ANK3: variants seen among roughly 807,000 people sequenced by gnomAD.
The protein encoded by ANK3 is ankyrin-3.
ANK3 carries 57 observed loss-of-function variants against 370.9 expected under a neutral mutation model. The ratio of observed to expected loss-of-function variants is 0.15; its 90% CI spans 0.12 to 0.19. ANK3 has a LOEUF of 0.19. Among genes scored for constraint, ANK3 ranks in the 10% least tolerant of loss-of-function variants. The probability of loss-of-function intolerance (pLI) is 1.00; values close to 1 mark genes in which losing one functional copy is unlikely to be tolerated. For missense variants in ANK3, 4,439 were observed against 5,302.1 expected (o/e 0.84, Z 5.06); for synonymous variants, 1,929 against 1,946.3 (o/e 0.99, Z 0.23).
At chr10:60,235,248 G>A (rs2097310510) in intron 7 of ANK3, among the ~76,000 whole-genome samples, 1 of 152,172 alleles carries the variant, frequency 6.6e-6, no homozygotes, top group South Asian at 2.1e-4. Flanking sequence ...GAGACAATAG[G>A]AACTCAAACT....
intron 1 of ANK3, among the ~76,000 whole-genome samples, chr10:60,381,048 C>T (rs1323781104): frequency 3.9e-5 from 6 of 152,074 alleles, no homozygotes; most frequent in African/African-American, 1.2e-4. Context: ...TCCCAGTCCC[C>T]GACTGTCCCA....
chr10:60,083,008 TC>T (rs2085671100), intron 33 of ANK3, among the ~76,000 whole-genome samples: 1 of 152,170 alleles, frequency 6.6e-6, no homozygotes, highest in African/African-American at 2.4e-5. Flanking sequence ...GCATTTTCCT[TC>T]TAACAGTTTT....
intron 1 of ANK3, among the ~76,000 whole-genome samples, chr10:60,712,049 C>A (rs972308496): frequency 6.6e-6 from 1 of 152,156 alleles, no homozygotes; most frequent in Non-Finnish European, 1.5e-5. Flanking sequence ...CACCAGAAGA[C>A]CTGCCATGCA....
chr10:60,534,490 T>C (rs766123545), intron 2 of ANK3, among the ~76,000 whole-genome samples: 14 of 152,114 alleles, frequency 9.2e-5, no homozygotes, highest in Non-Finnish European at 1.0e-4. Flanking sequence ...CTTCAGGATA[T>C]ATATATTTTT....
chr10:60,138,900 T>C, intron 24 of ANK3, 64 bp downstream of exon 24: 1 of 1,591,524 alleles, frequency 6.3e-7, no homozygotes, highest in Non-Finnish European at 8.6e-7. Context: ...ATGAACATGA[T>C]TTTGATTTAT....
At chr10:60,389,280 G>T (rs988400798) in intron 1 of ANK3, 145 bp downstream of exon 1, 3 of 746,242 alleles carry the variant, frequency 4.0e-6, no homozygotes, top group East Asian at 2.7e-5. Context: ...CTGCCATAGG[G>T]TTTATCATCT....
intron 2 of ANK3, among the ~76,000 whole-genome samples, chr10:60,495,593 T>C (rs551627442): frequency 1.3e-5 from 2 of 152,244 alleles, no homozygotes; most frequent in African/African-American, 4.8e-5. Context: ...AAAAAGCCAA[T>C]AGTCTGACTC....
intron 25 of ANK3, among the ~76,000 whole-genome samples, chr10:60,132,708 C>G (rs1035409985): frequency 6.6e-6 from 1 of 151,904 alleles, no homozygotes; most frequent in Non-Finnish European, 1.5e-5. Flanking sequence ...ACTCTGCCTC[C>G]CAGGTTCAAG....
At chr10:60,246,517 C>T (rs1011254845) in intron 7 of ANK3, among the ~76,000 whole-genome samples, 1 of 152,176 alleles carries the variant, frequency 6.6e-6, no homozygotes, top group Non-Finnish European at 1.5e-5. Context: ...AATGACATTT[C>T]CTTAACCTCA....
intron 1 of ANK3, among the ~76,000 whole-genome samples, chr10:60,330,536 G>T (rs113387316): frequency 6.6e-6 from 1 of 152,144 alleles, no homozygotes; most frequent in East Asian, 1.9e-4. Context: ...ATCATCACTG[G>T]TCGTTAGAAA....
At chr10:60,373,501 C>T (rs2060368099) in intron 1 of ANK3, among the ~76,000 whole-genome samples, 1 of 152,100 alleles carries the variant, frequency 6.6e-6, no homozygotes, top group South Asian at 2.1e-4. Context: ...AATCGATTCA[C>T]CATGACATGA....
chr10:60,310,917 T>C (rs1165602809), intron 1 of ANK3, among the ~76,000 whole-genome samples: 2 of 152,198 alleles, frequency 1.3e-5, no homozygotes, highest in Non-Finnish European at 2.9e-5. Context: ...CAGAAAGGAC[T>C]GGTGCATGTC....
In ANK3 at chr10:60,134,312, T is replaced by C; in HGVS notation, c.2800A>G (p.Ser934Gly). 6.2e-7 allele frequency: 1 copy of C among 1,613,998 alleles called. No individual in the cohort carries two copies. The highest frequency in any genetic ancestry group is 8.5e-7 in the Non-Finnish European group (1 of 1,179,930). ...TLNRSSYARDSMMIEELLVPS... is the reference protein window; with the variant it reads ...TLNRSSYARDGMMIEELLVPS... The stretch of plus-strand genomic sequence containing the variant: ...ACAAGGAGTTCTTCAATCATCATGC[T>C]GTCCCGTGCATAGGAGCTTCTGTTC... The change falls in exon 25 of 44, where the codon AGC becomes GGC. Residue 934 changes from serine to glycine, a missense_variant. By Grantham distance (56) the Ser-to-Gly change is moderately conservative. Around this residue, in one of 13 missense-constraint regions of ANK3, gnomAD observed 702 missense variants for 941.5 expected, o/e 0.75. Transcript: ENST00000280772.
At chr10:60,548,311 G>A (rs1053427943) in intron 2 of ANK3, among the ~76,000 whole-genome samples, 79 of 144,830 alleles carry the variant, frequency 5.5e-4, no homozygotes, top group African/African-American at 1.9e-3. Flanking sequence ...TCCCAGGTTC[G>A]AGTGATTCTC....
At chr10:60,678,973 G>A (rs2079160251) in intron 1 of ANK3, among the ~76,000 whole-genome samples, 1 of 152,184 alleles carries the variant, frequency 6.6e-6, no homozygotes, top group Non-Finnish European at 1.5e-5. Flanking sequence ...AAGCAAGGGT[G>A]GAGATCACAT....
rs142429830 is a variant in ANK3, at chr10:60,033,271, G to A, written c.*20-3445C>T. 1.8e-3 allele frequency among the ~76,000 whole-genome samples: 275 copies of A among 152,050 alleles called. 2 individuals are homozygous for A. Among genetic ancestry groups the A allele is most frequent in the Middle Eastern group, 6.8e-3 (2 of 294 alleles). ...TCCCAGCACTTTGGGAGGCCAAGCCGGGGGCAGGGGAGGGGGGCGGATCAC... is the reference window on the plus strand; with the variant it reads ...TCCCAGCACTTTGGGAGGCCAAGCCAGGGGCAGGGGAGGGGGGCGGATCAC... On this transcript the variant is annotated intron_variant, in intron 43 of 43. Coordinates refer to ENST00000280772, the MANE Select transcript of ANK3 (RefSeq NM_020987.5).
At chr10:60,456,020 C>T (rs568259886) in intron 2 of ANK3, among the ~76,000 whole-genome samples, 1 of 152,282 alleles carries the variant, frequency 6.6e-6, no homozygotes, top group East Asian at 1.9e-4. Flanking sequence ...GCCAGGTCTC[C>T]GTAGCTGATT....
intron 1 of ANK3, among the ~76,000 whole-genome samples, chr10:60,731,497 C>T (rs1027256699): frequency 2.0e-5 from 3 of 152,162 alleles, no homozygotes; most frequent in Non-Finnish European, 4.4e-5. Flanking sequence ...TAACTACAGT[C>T]CAAATTCAAA....
chr10:60,235,051 G>GT (rs1196300096), intron 7 of ANK3, among the ~76,000 whole-genome samples: 1 of 152,076 alleles, frequency 6.6e-6, no homozygotes, highest in Non-Finnish European at 1.5e-5. Context: ...GTGATAATTT[G>GT]TTTTTTTGCT....
Sources: allele counts gnomAD v4.1 joint callset (sites outside exome capture counted in the v4.1 genomes callset), GRCh38; gene constraint gnomAD v4.1.1; regional missense constraint gnomAD v4.1.1; transcripts MANE v1.5; gene names NCBI Gene and HGNC (gene_info 2026-07-23, HGNC 2026-07-21).